The following AHCYL2 variants were observed in gnomAD, a reference collection of about 807,000 sequenced individuals.
AHCYL2 encodes the protein S-adenosylhomocysteine hydrolase-like protein 2.
AHCYL2 carries 28 observed loss-of-function variants against 81.4 expected under a neutral mutation model. The ratio of observed to expected loss-of-function variants is 0.34; its 90% CI spans 0.25 to 0.47. The LOEUF is 0.47. Ranked by LOEUF, AHCYL2 falls within the 20% of genes least tolerant of loss-of-function variation. The pLI, the probability that AHCYL2 is intolerant of heterozygous loss-of-function variation, is 1.00. For synonymous variants in AHCYL2, 272 were observed against 290.2 expected (o/e 0.94, Z 0.64); for missense variants, 551 against 785.1 (o/e 0.70, Z 3.56).
intron 1 of AHCYL2, among the ~76,000 whole-genome samples, chr7:129,324,835 TG>T (rs752009680): frequency 1.3e-5 from 2 of 152,224 alleles, no homozygotes; most frequent in Non-Finnish European, 2.9e-5. Flanking sequence ...CTTCTAACTC[TG>T]TTTCCTTTTT....
chr7:129,233,631 G>A (rs1325812283), intron 1 of AHCYL2, among the ~76,000 whole-genome samples: 1 of 152,102 alleles, frequency 6.6e-6, no homozygotes, highest in Non-Finnish European at 1.5e-5. Flanking sequence ...GGGACTACAG[G>A]CACGCACTAC....
At chr7:129,321,058 T>C (rs2150787996) in intron 1 of AHCYL2, among the ~76,000 whole-genome samples, 1 of 152,372 alleles carries the variant, frequency 6.6e-6, no homozygotes, top group South Asian at 2.1e-4. Context: ...GCTAGACTCA[T>C]ATTAGCTTTA....
At chr7:129,335,829 C>T (rs760672428) in intron 1 of AHCYL2, among the ~76,000 whole-genome samples, 9 of 152,122 alleles carry the variant, frequency 5.9e-5, no homozygotes, top group South Asian at 2.1e-4. Flanking sequence ...TTGAAAGTTA[C>T]GTAGCATTAC....
At position 129,293,151 on chromosome 7, in the gene AHCYL2, T is replaced by G. The variant is rs868045691; in HGVS notation, c.363+67712T>G. ...ATCAGTGAAGACAGAGTTTTTGGGT[T>G]TTTTTTTTGGTATCTTTCAAAGTAT... On this transcript the variant is annotated intron_variant, in intron 1 of 16. Transcript: ENST00000325006. 4.9e-3 allele frequency among the ~76,000 whole-genome samples: 186 copies of G among 38,328 alleles called. 1 individual carries two copies. The highest frequency in any genetic ancestry group is 0.029 in the Middle Eastern group (2 of 70). 25.1% of individuals were successfully genotyped at this position (38,328 alleles called of 152,430 possible). A position where few individuals can be genotyped will look rare whatever the true frequency, so the allele number is the denominator to read the frequency against.
At chr7:129,350,715 T>C (rs1793529031) in intron 1 of AHCYL2, among the ~76,000 whole-genome samples, 1 of 23,286 alleles carries the variant, frequency 4.3e-5, no homozygotes. Context: ...TCTTTCTTTC[T>C]TTTTTTTTTT....
At chr7:129,252,925 G>A (rs1563167451) in intron 1 of AHCYL2, among the ~76,000 whole-genome samples, 1 of 151,894 alleles carries the variant, frequency 6.6e-6, no homozygotes, top group Non-Finnish European at 1.5e-5. Context: ...GAAGGCAAAG[G>A]TAGCCGGGCA....
At chr7:129,272,547 G>T (rs1796057089) in intron 1 of AHCYL2, among the ~76,000 whole-genome samples, 1 of 152,182 alleles carries the variant, frequency 6.6e-6, no homozygotes, top group African/African-American at 2.4e-5. Context: ...ACCTTGAGAA[G>T]ACAGTGAAGG....
At chr7:129,260,794 A>G (rs997458089) in intron 1 of AHCYL2, among the ~76,000 whole-genome samples, 7 of 147,066 alleles carry the variant, frequency 4.8e-5, no homozygotes, top group Non-Finnish European at 9.1e-5. Flanking sequence ...ATTGGTTTCA[A>G]TTTTTTTTTT....
chr7:129,286,935 TTAA>T (rs1474284863), intron 1 of AHCYL2, among the ~76,000 whole-genome samples: 4 of 152,128 alleles, frequency 2.6e-5, no homozygotes, highest in African/African-American at 4.8e-5. Flanking sequence ...ATGGAGACAT[TTAA>T]TAATATTTAA....
At chr7:129,344,972 T>C (rs1166650296) in intron 1 of AHCYL2, among the ~76,000 whole-genome samples, 5 of 152,008 alleles carry the variant, frequency 3.3e-5, no homozygotes, top group African/African-American at 9.7e-5. Flanking sequence ...CTGGCTAACA[T>C]GGTGAAACCC....
intron 1 of AHCYL2, among the ~76,000 whole-genome samples, chr7:129,294,061 A>G (rs1201985363): frequency 6.6e-6 from 1 of 152,196 alleles, no homozygotes; most frequent in Non-Finnish European, 1.5e-5. Context: ...CTAATCAGTT[A>G]TTTTGTAGAA....
chr7:129,384,535 T>G (rs1795115840), intron 2 of AHCYL2, among the ~76,000 whole-genome samples: 1 of 152,096 alleles, frequency 6.6e-6, no homozygotes, highest in African/African-American at 2.4e-5. Context: ...ATATACTCAG[T>G]GTGTATGAAC....
chr7:129,234,525 G>A (rs1034882001), intron 1 of AHCYL2, among the ~76,000 whole-genome samples: 1 of 152,048 alleles, frequency 6.6e-6, no homozygotes, highest in Admixed American at 6.6e-5. Flanking sequence ...TTACAGGCGC[G>A]AGCCCACACC....
At chr7:129,322,367 T>G (rs1798068483) in intron 1 of AHCYL2, among the ~76,000 whole-genome samples, 1 of 152,224 alleles carries the variant, frequency 6.6e-6, no homozygotes, top group Non-Finnish European at 1.5e-5. Context: ...CTTGAACTCC[T>G]GACCTCAGGT....
Position 129,428,393 on chromosome 7 carries a change from A to G in AHCYL2, c.*1348A>G, listed in dbSNP as rs1267923537. On this transcript the variant is annotated 3_prime_UTR_variant, in exon 17 of 17. Transcript: ENST00000325006. ...GTGACATTTTATGTCCCACCCAAAA[A>G]TTGGATTCCTTTTGGAGACTGATCT... The G allele has an allele frequency of 6.6e-6, 1 of 152,216 alleles. No individual in the cohort carries two copies. Among genetic ancestry groups the G allele is most frequent in the Non-Finnish European group, 1.5e-5 (1 of 68,036 alleles). 9.4% of individuals were successfully genotyped at this position (152,216 alleles called of 1,614,324 possible). A position where few individuals can be genotyped will look rare whatever the true frequency, so the allele number is the denominator to read the frequency against.
At position 129,414,484 on chromosome 7, in the gene AHCYL2, G is replaced by A. The variant is rs371152255; in HGVS notation, c.1461+796G>A. Among the ~76,000 whole-genome samples, 25 of 149,776 alleles carry A rather than the reference G, an allele frequency of 1.7e-4. No individual in the cohort carries two copies. In the South Asian group the frequency reaches 3.8e-3, roughly 23 times the overall value. On this transcript the variant is annotated intron_variant, in intron 12 of 16. Coordinates refer to ENST00000325006, the MANE Select transcript of AHCYL2 (RefSeq NM_015328.4). Reference sequence around the variant, plus strand: ...CGCCCAGGCTGGAGTGCAGTGGCGCGGTCTCGGCTTACTGCAACCTCTGCC... The same window carrying A: ...CGCCCAGGCTGGAGTGCAGTGGCGCAGTCTCGGCTTACTGCAACCTCTGCC...
intron 1 of AHCYL2, among the ~76,000 whole-genome samples, chr7:129,275,903 T>C (rs1474398950): frequency 6.6e-6 from 1 of 152,144 alleles, no homozygotes; most frequent in Non-Finnish European, 1.5e-5. Flanking sequence ...TTTTTGGATA[T>C]GTACCAAGCC....
intron 1 of AHCYL2, among the ~76,000 whole-genome samples, chr7:129,293,099 G>C (rs1796925668): frequency 6.6e-6 from 1 of 151,876 alleles, no homozygotes; most frequent in African/African-American, 2.4e-5. Flanking sequence ...ATAGGCGCTT[G>C]CCACTGTGCC....
Position 129,326,559 on chromosome 7 carries a change from A to G in AHCYL2, c.364-53079A>G, listed in dbSNP as rs191891642. Among the ~76,000 whole-genome samples the G allele has an allele frequency of 2.8e-3, 429 of 152,110 alleles. 4 individuals carry two copies. The highest frequency in any genetic ancestry group is 9.7e-3 in the African/African-American group (404 of 41,492). ...CAAACAAACAAACAAAAATCCTCCT[A>G]TGAAAACTGCTAGTTTTAATGGCAG... On this transcript the variant is annotated intron_variant, in intron 1 of 16. Transcript: ENST00000325006.
Sources: gnomAD v4.1 joint callset for allele counts (sites outside exome capture counted in the v4.1 genomes callset) on GRCh38, gnomAD v4.1.1 for gene constraint, MANE v1.5 for transcripts, NCBI Gene and HGNC (gene_info 2026-07-23, HGNC 2026-07-21) for gene names.